Variants in ICA1L observed in about 807,000 individuals in gnomAD.
ICA1L encodes islet cell autoantigen 1-like protein.
A neutral mutation model predicts 61.3 loss-of-function variants in ICA1L; 50 were observed. The observed-to-expected ratio is 0.82, with a 90% confidence interval of 0.65 to 1.03. ICA1L has a LOEUF of 1.03. Ranked by LOEUF, ICA1L falls within the 50% of genes least tolerant of loss-of-function variation. ICA1L has a pLI of 0.00. For missense variants in ICA1L, 508 were observed against 556.7 expected (o/e 0.91, Z 0.88); for synonymous variants, 161 against 191.3 (o/e 0.84, Z 1.31).
intron 1 of ICA1L, among the ~76,000 whole-genome samples, chr2:202,868,293 G>A (rs1457829407): frequency 6.6e-6 from 1 of 152,148 alleles, no homozygotes; most frequent in Admixed American, 6.5e-5. Context: ...ACACATCCAT[G>A]GTAATAGCTT....
chr2:202,797,419 A>G (rs141464742), intron 9 of ICA1L, among the ~76,000 whole-genome samples: 1 of 152,328 alleles, frequency 6.6e-6, no homozygotes, highest in Admixed American at 6.5e-5. Context: ...AAAGTATATA[A>G]TCTGTCACAT....
intron 10 of ICA1L, among the ~76,000 whole-genome samples, chr2:202,794,061 TACA>T: frequency 6.6e-6 from 1 of 151,708 alleles, no homozygotes; most frequent in East Asian, 1.9e-4. Flanking sequence ...AAGCTGGACT[TACA>T]ACTGGAATGC....
At chr2:202,871,039 T>A (rs543796273) in intron 1 of ICA1L, 2 of 152,384 alleles carry the variant, frequency 1.3e-5, no homozygotes, top group East Asian at 3.9e-4. Flanking sequence ...CGCGGGCCCG[T>A]GCATTCTGCA....
chr2:202,796,804 A>G, intron 10 of ICA1L, 86 bp downstream of exon 10: 1 of 753,714 alleles, frequency 1.3e-6, no homozygotes, highest in African/African-American at 1.8e-5. Flanking sequence ...AGACCCAGAC[A>G]GTTTCTAATG....
chr2:202,819,427 A>G (rs1042384323), intron 5 of ICA1L, among the ~76,000 whole-genome samples: 3 of 152,152 alleles, frequency 2.0e-5, no homozygotes, highest in Non-Finnish European at 4.4e-5. Flanking sequence ...GAATCTCAAA[A>G]GTCCAAGGAA....
Position 202,817,532 on chromosome 2 carries a change from T to G in ICA1L, c.570A>C (p.Gln190His). Residue 190 changes from glutamine (Q) to histidine (H), a missense_variant, in exon 6 of 13, where the codon CAA becomes CAC. Gln to His is a conservative substitution (Grantham distance 24). Transcript: ENST00000358299. ...CAAAAGAAGCTTTGCTATTTCTCAC[T>G]TGCATCTGTACCTGCAATAAAAATG... is the stretch of plus-strand genomic sequence containing the variant. ...QMEKFRKVQM[Q>H]VRNSKASFDK... 1.2e-6 allele frequency: 2 copies of G among 1,606,748 alleles called. No individual in the cohort carries two copies. The highest frequency in any genetic ancestry group is 1.7e-6 in the Non-Finnish European group (2 of 1,175,088).
chr2:202,825,530 A>G, intron 3 of ICA1L, 165 bp downstream of exon 3: 2 of 1,345,962 alleles, frequency 1.5e-6, no homozygotes, highest in Non-Finnish European at 1.9e-6. Context: ...AACTGAGGAA[A>G]GAAGAGAGAA....
In ICA1L at chr2:202,774,129, C is replaced by A. The variant is rs965076415; in HGVS notation, c.*5404G>T. On this transcript the variant is annotated 3_prime_UTR_variant, in exon 13 of 13. Coordinates refer to ENST00000358299, the MANE Select transcript of ICA1L (RefSeq NM_001288622.3). ...ATTGGATAAGCTATTCTCAACTCTTCATTAATCAATTCATTTGTTGATGCT... is the reference window on the plus strand; with the variant it reads ...ATTGGATAAGCTATTCTCAACTCTTAATTAATCAATTCATTTGTTGATGCT... 1.2e-5 allele frequency: 16 copies of A among 1,368,742 alleles called. No homozygotes were observed. Among genetic ancestry groups the A allele is most frequent in the Non-Finnish European group, 1.6e-5 (16 of 982,814 alleles). The allele number at this position is 1,368,742 out of a possible 1,614,324, so 84.8% of individuals were successfully genotyped here.
intron 1 of ICA1L, among the ~76,000 whole-genome samples, chr2:202,853,536 C>T (rs1449985923): frequency 6.6e-6 from 1 of 151,986 alleles, no homozygotes; most frequent in Non-Finnish European, 1.5e-5. Flanking sequence ...AGGGCTTCTG[C>T]ACAGCAAAAG....
intron 5 of ICA1L, among the ~76,000 whole-genome samples, chr2:202,819,122 T>C (rs532024916): frequency 6.6e-6 from 1 of 152,240 alleles, no homozygotes. Flanking sequence ...GCTCCATCAG[T>C]ATTAAATATT....
At chr2:202,847,711 T>TATATAGC (rs1553537749) in intron 1 of ICA1L, among the ~76,000 whole-genome samples, 1 of 54,082 alleles carries the variant, frequency 1.8e-5, no homozygotes. Context: ...ATATATATAG[T>TATATAGC]TAAGCAGTGA....
chr2:202,865,190 C>T (rs1327149581), intron 1 of ICA1L, among the ~76,000 whole-genome samples: 2 of 150,486 alleles, frequency 1.3e-5, no homozygotes, highest in Admixed American at 6.7e-5. Flanking sequence ...CCTCTTTGGC[C>T]GGGCATGGTG....
At chr2:202,840,806 C>A (rs1055643658) in intron 1 of ICA1L, 4 of 606,866 alleles carry the variant, frequency 6.6e-6, no homozygotes, top group Admixed American at 6.1e-5. Context: ...AACTCTCTGG[C>A]CTTTGAGGCC....
At chr2:202,829,884 G>C (rs914991155) in intron 1 of ICA1L, among the ~76,000 whole-genome samples, 2 of 151,980 alleles carry the variant, frequency 1.3e-5, no homozygotes, top group Non-Finnish European at 2.9e-5. Context: ...TTACATACTA[G>C]TATCAGTTCC....
At position 202,776,270 on chromosome 2, in the gene ICA1L, T is replaced by TA. The variant is rs555911629; in HGVS notation, c.*3262dup. The TA allele has an allele frequency of 6.6e-5, 10 of 151,968 alleles. No individual in the cohort carries two copies. In the East Asian group the frequency reaches 1.7e-3, roughly 26 times the overall value. 9.4% of individuals were successfully genotyped at this position (151,968 alleles called of 1,614,324 possible). A position where few individuals can be genotyped will look rare whatever the true frequency, so the allele number is the denominator to read the frequency against. ...TATGCCCTGGTATTCCTGCGTCTCC[T>TA]AAAAAATGGTTGTAGACACACTAGG... On this transcript the variant is annotated 3_prime_UTR_variant, in exon 13 of 13. Transcript: ENST00000358299.
chr2:202,822,536 A>G (rs1293531810), intron 3 of ICA1L, among the ~76,000 whole-genome samples: 1 of 152,170 alleles, frequency 6.6e-6, no homozygotes, highest in Non-Finnish European at 1.5e-5. Flanking sequence ...ACCATGAAAC[A>G]AAAAAAGGTC....
intron 1 of ICA1L, chr2:202,841,504 G>C: frequency 1.3e-6 from 1 of 746,706 alleles, no homozygotes; most frequent in South Asian, 1.4e-5. Context: ...CCTTCTCCTG[G>C]GTGCACACGG....
chr2:202,834,081 G>A (rs1400685498), intron 1 of ICA1L, among the ~76,000 whole-genome samples: 1 of 152,094 alleles, frequency 6.6e-6, no homozygotes, highest in East Asian at 1.9e-4. Context: ...AAAAGATGAG[G>A]TAATACATAT....
rs780545060 is a variant in ICA1L at position 202,773,773 on chromosome 2, C to T, written c.*5760G>A. The T allele has an allele frequency of 3.6e-6, 5 of 1,375,606 alleles. No individual in the cohort carries two copies. Among genetic ancestry groups the T allele is most frequent in the Non-Finnish European group, 5.2e-6 (5 of 965,912 alleles). The allele number at this position is 1,375,606 out of a possible 1,614,324, so 85.2% of individuals were successfully genotyped here. On this transcript the variant is annotated 3_prime_UTR_variant, in exon 13 of 13. Transcript: ENST00000358299. Reference sequence around the variant, plus strand: ...ATCCAGGTCCAAAGGTGGAAGAATACATACACCGGTATGGTAATAGGCAAG... The same window carrying T: ...ATCCAGGTCCAAAGGTGGAAGAATATATACACCGGTATGGTAATAGGCAAG...
Sources: allele counts gnomAD v4.1 joint callset (sites outside exome capture counted in the v4.1 genomes callset), GRCh38; gene constraint gnomAD v4.1.1; transcripts MANE v1.5; gene names NCBI Gene and HGNC (gene_info 2026-07-23, HGNC 2026-07-21).